NCK2: variants seen among roughly 807,000 people sequenced by gnomAD.
NCK2 encodes the protein NCK adaptor protein 2.
A neutral mutation model predicts 33.9 loss-of-function variants in NCK2; 16 were observed. That is an observed-to-expected ratio of 0.47 (90% CI 0.32 to 0.72). The LOEUF (loss-of-function observed/expected upper bound fraction) is 0.72, where lower values mean the gene tolerates loss of function less well. NCK2 is among the 30% of genes least tolerant of loss of function. NCK2 has a pLI of 0.03. For missense variants in NCK2, 418 were observed against 537.3 expected (o/e 0.78, Z 2.19); for synonymous variants, 273 against 239.9 (o/e 1.14, Z -1.27).
chr2:105,876,125 A>T (rs1678226365), intron 3 of NCK2, among the ~76,000 whole-genome samples: 1 of 152,234 alleles, frequency 6.6e-6, no homozygotes, highest in Non-Finnish European at 1.5e-5. Flanking sequence ...TAACGGTCAC[A>T]TTCTAGATAT....
intron 4 of NCK2, among the ~76,000 whole-genome samples, chr2:105,891,327 A>T (rs1322627829): frequency 6.7e-6 from 1 of 148,254 alleles, no homozygotes; most frequent in Non-Finnish European, 1.5e-5. Flanking sequence ...ACCTCTATTT[A>T]TCTGTTCCCC....
chr2:105,747,010 A>G (rs1177110658), intron 1 of NCK2, among the ~76,000 whole-genome samples: 1 of 152,202 alleles, frequency 6.6e-6, no homozygotes, highest in East Asian at 1.9e-4. Flanking sequence ...ACAAATTGCC[A>G]TCAGGAAGAG....
At chr2:105,780,834 C>T (rs1573584307) in intron 1 of NCK2, among the ~76,000 whole-genome samples, 1 of 152,326 alleles carries the variant, frequency 6.6e-6, no homozygotes, top group East Asian at 1.9e-4. Flanking sequence ...GAAGGAGGCC[C>T]TTACCAGACA....
chr2:105,835,406 C>CGTGTATATATATGTGTATATAT (rs1558861988), intron 2 of NCK2, among the ~76,000 whole-genome samples: 1 of 24,246 alleles, frequency 4.1e-5, no homozygotes, highest in Admixed American at 5.5e-4. Flanking sequence ...TATATATATA[C>CGTGTATATATATGTGTATATAT]GTGTATATAT....
At chr2:105,824,843 C>T (rs549859169) in intron 2 of NCK2, among the ~76,000 whole-genome samples, 1 of 152,306 alleles carries the variant, frequency 6.6e-6, no homozygotes, top group South Asian at 2.1e-4. Context: ...TGCCATGCCC[C>T]ACAGAATTCA....
intron 3 of NCK2, among the ~76,000 whole-genome samples, chr2:105,881,096 T>C (rs1034481965): frequency 2.0e-5 from 3 of 152,122 alleles, no homozygotes; most frequent in African/African-American, 7.2e-5. Flanking sequence ...GTGACATGTT[T>C]TTATGGATAA....
At chr2:105,829,542 G>A (rs1383447894) in intron 2 of NCK2, among the ~76,000 whole-genome samples, 1 of 152,166 alleles carries the variant, frequency 6.6e-6, no homozygotes, top group Non-Finnish European at 1.5e-5. Context: ...TCTTGGCTGT[G>A]ACAGTTTCTC....
intron 1 of NCK2, among the ~76,000 whole-genome samples, chr2:105,798,823 T>A (rs1691173226): frequency 6.6e-6 from 1 of 152,204 alleles, no homozygotes; most frequent in South Asian, 2.1e-4. Context: ...TCTTACCTTA[T>A]TTTTCTGAGT....
chr2:105,805,280 C>T (rs185342785), intron 1 of NCK2, among the ~76,000 whole-genome samples: 53 of 152,206 alleles, frequency 3.5e-4, no homozygotes, highest in Middle Eastern at 3.4e-3. Flanking sequence ...AAATAGCAGA[C>T]GCGAGGGCAA....
At chr2:105,744,769 G>A (rs1265024947), upstream of NCK2, 1 of 150,020 alleles carries the variant, frequency 6.7e-6, no homozygotes, top group Non-Finnish European at 1.5e-5. Flanking sequence ...CCCGGGCCTG[G>A]GCCGGCCCCT....
intron 2 of NCK2, among the ~76,000 whole-genome samples, chr2:105,842,625 T>TA (rs1676690757): frequency 6.6e-6 from 1 of 152,150 alleles, no homozygotes; most frequent in Non-Finnish European, 1.5e-5. Flanking sequence ...GAGATCTCTC[T>TA]AAGTGCTCTT....
chr2:105,762,452 C>T (rs894384431), intron 1 of NCK2, among the ~76,000 whole-genome samples: 10 of 152,168 alleles, frequency 6.6e-5, no homozygotes, highest in Non-Finnish European at 1.2e-4. Flanking sequence ...TCTAGAGATT[C>T]GCTGAAGCTC....
chr2:105,863,665 T>C (rs1677634668), intron 3 of NCK2, among the ~76,000 whole-genome samples: 1 of 152,128 alleles, frequency 6.6e-6, no homozygotes, highest in African/African-American at 2.4e-5. Context: ...AATAGCACTG[T>C]CCCTTCCTGT....
chr2:105,826,659 T>A (rs976321061), intron 2 of NCK2, among the ~76,000 whole-genome samples: 21 of 152,234 alleles, frequency 1.4e-4, no homozygotes, highest in Non-Finnish European at 2.9e-5. Flanking sequence ...CTAGGCCCCC[T>A]GGATTTGGGT....
intron 1 of NCK2, among the ~76,000 whole-genome samples, chr2:105,809,447 A>C (rs1170281446): frequency 6.6e-6 from 1 of 152,222 alleles, no homozygotes; most frequent in East Asian, 1.9e-4. Context: ...GCTTGCAGAC[A>C]GATGCCTTCT....
intron 4 of NCK2, among the ~76,000 whole-genome samples, 179 bp downstream of exon 4, chr2:105,882,228 T>C (rs1038645346): frequency 1.3e-5 from 2 of 152,258 alleles, no homozygotes; most frequent in Non-Finnish European, 2.9e-5. Context: ...GTTTTGGGGA[T>C]AGTGGGTGTC....
chr2:105,794,708 TTTA>T (rs1408220552), intron 1 of NCK2, among the ~76,000 whole-genome samples: 2 of 151,540 alleles, frequency 1.3e-5, no homozygotes, highest in Non-Finnish European at 2.9e-5. Flanking sequence ...TATTTATTTA[TTTA>T]TTTATTTATT....
At chr2:105,778,284 A>G (rs897378986) in intron 1 of NCK2, among the ~76,000 whole-genome samples, 1 of 152,196 alleles carries the variant, frequency 6.6e-6, no homozygotes, top group African/African-American at 2.4e-5. Flanking sequence ...GACCTTTGCC[A>G]ACATCCTGGA....
At chr2:105,850,283 C>T (rs758458752) in intron 2 of NCK2, among the ~76,000 whole-genome samples, 2 of 152,176 alleles carry the variant, frequency 1.3e-5, no homozygotes, top group Non-Finnish European at 2.9e-5. Context: ...TGTGTTAACC[C>T]AGCAAGATAC....
Sources: allele counts gnomAD v4.1 joint callset (sites outside exome capture counted in the v4.1 genomes callset), GRCh38; gene constraint gnomAD v4.1.1; transcripts MANE v1.5; gene names NCBI Gene and HGNC (gene_info 2026-07-23, HGNC 2026-07-21).